LTN1: variants seen among roughly 807,000 people sequenced by gnomAD.
LTN1 encodes listerin E3 ubiquitin protein ligase 1.
Under a neutral mutation model 201.2 loss-of-function variants are expected in LTN1, and 88 were observed. That is an observed-to-expected ratio of 0.44 (90% CI 0.37 to 0.52). LTN1 has a LOEUF of 0.52. Ranked by LOEUF, LTN1 falls within the 20% of genes least tolerant of loss-of-function variation. The probability of loss-of-function intolerance (pLI) is 0.00; values close to 1 mark genes in which losing one functional copy is unlikely to be tolerated. For missense variants in LTN1, 1,752 were observed against 2,038.7 expected, an observed-to-expected ratio of 0.86 and a Z score of 2.71; for synonymous variants, 645 against 713.5, an observed-to-expected ratio of 0.90 and a Z score of 1.53.
chr21:28,943,931 C>A, intron 22 of LTN1, 27 bp from the exon 23 acceptor site: 1 of 1,408,844 alleles, frequency 7.1e-7, no homozygotes. Context: ...AAGAAACATG[C>A]ACGTCTCAAA....
chr21:28,942,812 A>C (rs980784830), intron 24 of LTN1, among the ~76,000 whole-genome samples: 4 of 152,222 alleles, frequency 2.6e-5, no homozygotes, highest in African/African-American at 9.6e-5. Context: ...GACCTTTAAA[A>C]AAAAGTTATC....
intron 14 of LTN1, 114 bp downstream of exon 14, chr21:28,958,272 G>A (rs1281622105): frequency 1.0e-6 from 1 of 985,906 alleles, no homozygotes; most frequent in East Asian, 2.8e-5. Flanking sequence ...TGGGATTATA[G>A]GGACGAGCCC....
rs749761961 is a variant in LTN1 at position 28,966,634 on chromosome 21, A to G, written c.1857T>C (p.Thr619=). Residue 619 remains threonine, a synonymous_variant, in exon 10 of 30, where the codon ACT becomes ACC. Transcript: ENST00000361371. ...KSEQHLRFLS[T]LLDSFSSSRV... ...GGCTTGAAGAAAAGGAGTCAAGCAGAGTAGAAAGAAACCTTAGATGTTGCT... is the reference window on the plus strand; with the variant it reads ...GGCTTGAAGAAAAGGAGTCAAGCAGGGTAGAAAGAAACCTTAGATGTTGCT... 8.1e-6 allele frequency: 13 copies of G among 1,614,132 alleles called. No homozygotes were observed. The highest frequency in any genetic ancestry group is 1.7e-5 in the Admixed American group (1 of 60,016).
chr21:28,937,137 A>G (rs2084263054), intron 25 of LTN1, among the ~76,000 whole-genome samples: 1 of 152,224 alleles, frequency 6.6e-6, no homozygotes, highest in African/African-American at 2.4e-5. Context: ...TTCAATCAGG[A>G]AATTTCACAT....
At chr21:28,932,815 T>C (rs1023681075) in intron 27 of LTN1, 151 bp from the exon 28 acceptor site, 8 of 561,432 alleles carry the variant, frequency 1.4e-5, no homozygotes, top group African/African-American at 1.4e-4. Flanking sequence ...AATTAAGAAA[T>C]ACGTTTAAAT....
rs1050875100 is a variant in LTN1, at chr21:28,953,473, C to T, written c.3080-97G>A. On this transcript the variant is annotated intron_variant, in intron 16 of 29. Transcript: ENST00000361371. ...CACCTTGTTTTCTAACACTGTTGTGCCCACTCATCTCAAAACTCCTATGAA... is the reference window on the plus strand; with the variant it reads ...CACCTTGTTTTCTAACACTGTTGTGTCCACTCATCTCAAAACTCCTATGAA... 1.3e-5 allele frequency: 11 copies of T among 836,988 alleles called. No individual in the cohort carries two copies. In the African/African-American group the frequency reaches 1.8e-4, roughly 13 times the overall value. The allele number at this position is 836,988 out of a possible 1,614,324, so 51.8% of individuals were successfully genotyped here. A position where few individuals can be genotyped will look rare whatever the true frequency, so the allele number is the denominator to read the frequency against.
intron 11 of LTN1, chr21:28,961,540 G>GA (rs1003787025): frequency 1.8e-3 from 278 of 156,358 alleles, no homozygotes; most frequent in African/African-American, 9.9e-4. Context: ...CAATCTGGAA[G>GA]AAAAAAAAAA....
At position 28,989,417 on chromosome 21, in the gene LTN1, C is replaced by T. The variant is rs2084727560; in HGVS notation, c.43-2483G>A. On this transcript the variant is annotated intron_variant, in intron 1 of 29. Coordinates refer to ENST00000361371, the MANE Select transcript of LTN1 (RefSeq NM_015565.3). ...TCTTATGATCTTTGTATGTTAAGTGCTATACCCATAGTTCAATAAAAATTA... is the reference window on the plus strand; with the variant it reads ...TCTTATGATCTTTGTATGTTAAGTGTTATACCCATAGTTCAATAAAAATTA... Among the ~76,000 whole-genome samples, 3 of 151,618 alleles carry T rather than the reference C, an allele frequency of 2.0e-5. No homozygotes were observed. The South Asian group carries it at 6.3e-4, about 32-fold the overall frequency.
intron 6 of LTN1, among the ~76,000 whole-genome samples, chr21:28,979,017 C>G (rs1343287364): frequency 6.6e-6 from 1 of 152,040 alleles, no homozygotes. Context: ...ATGTTGCCTA[C>G]TGAAGGCTAG....
chr21:28,946,180 C>G lies in LTN1; in HGVS notation c.3595G>C (p.Glu1199Gln). The part of the protein sequence containing the change: ...ILKIIISWKK[E>Q]HEDIFLFSCN... ...CTGAAAAGAAAAATATCTTCATGCT[C>G]TTTCTTCCAGGATATTATGATTTTT... Residue 1199 changes from glutamate to glutamine, a missense_variant, in exon 20 of 30, where the codon GAG becomes CAG. By Grantham distance (29) the Glu-to-Gln change is conservative. This residue lies in a region of LTN1 where 1,211 missense variants were observed against 1,312.8 expected (regional missense o/e 0.92). Coordinates refer to ENST00000361371, the MANE Select transcript of LTN1 (RefSeq NM_015565.3). 2 of 1,584,690 alleles carry G rather than the reference C, an allele frequency of 1.3e-6. No individual in the cohort carries two copies. The highest frequency in any genetic ancestry group is 1.7e-6 in the Non-Finnish European group (2 of 1,167,044).
At chr21:28,962,374 T>C (rs996673667) in intron 11 of LTN1, among the ~76,000 whole-genome samples, 6 of 152,230 alleles carry the variant, frequency 3.9e-5, no homozygotes, top group African/African-American at 1.4e-4. Flanking sequence ...TGTGTCTCTG[T>C]GTCACATTTT....
At position 28,957,343 on chromosome 21, in the gene LTN1, G is replaced by A. The variant is rs563977903; in HGVS notation, c.2881C>T (p.Leu961Phe). The change falls in exon 15 of 30, where the codon CTT becomes TTT. Residue 961 changes from leucine (L) to phenylalanine (F), a missense_variant. Leu to Phe is a conservative substitution (Grantham distance 22). Coordinates refer to ENST00000361371, the MANE Select transcript of LTN1 (RefSeq NM_015565.3). ...AATTTCCAAAATACCTGCATAGGAA[G>A]AGACTGCCTCATCTTTTCCCATTCA... ...DSEWEKMRQS[L>F]PMQWLHRPLL... 6.3e-7 allele frequency: 1 copy of A among 1,593,596 alleles called. No homozygotes were observed. The highest frequency in any genetic ancestry group is 1.4e-5 in the African/African-American group (1 of 73,556).
chr21:28,940,436 TAGGTA>T (rs1429113180), intron 25 of LTN1, among the ~76,000 whole-genome samples: 1 of 152,198 alleles, frequency 6.6e-6, no homozygotes, highest in Admixed American at 6.5e-5. Context: ...TTTCACCACT[TAGGTA>T]ACAGTTTGAA....
intron 6 of LTN1, among the ~76,000 whole-genome samples, chr21:28,980,606 G>A (rs866548249): frequency 6.6e-6 from 1 of 151,288 alleles, no homozygotes; most frequent in Non-Finnish European, 1.5e-5. Flanking sequence ...GGTTATGTCA[G>A]TTATCAACTG....
intron 19 of LTN1, among the ~76,000 whole-genome samples, chr21:28,946,961 C>T (rs916145760): frequency 6.6e-6 from 1 of 152,194 alleles, no homozygotes; most frequent in Non-Finnish European, 1.5e-5. Flanking sequence ...GCCACTAACA[C>T]CCTCAAAGCA....
At chr21:28,951,042 T>C (rs1424155941) in intron 18 of LTN1, among the ~76,000 whole-genome samples, 1 of 151,526 alleles carries the variant, frequency 6.6e-6, no homozygotes, top group Admixed American at 6.6e-5. Flanking sequence ...CACACAAACA[T>C]ACACAAACAT....
intron 3 of LTN1, among the ~76,000 whole-genome samples, chr21:28,985,393 A>G (rs2705656): frequency 0.89 from 134,321 of 151,516 alleles, 59,835 homozygotes; most frequent in South Asian, 0.95. Flanking sequence ...CCCAGGAGAC[A>G]AGGTTGCAGT....
chr21:28,959,852 T>C, intron 12 of LTN1, 155 bp from the exon 13 acceptor site: 1 of 626,166 alleles, frequency 1.6e-6, no homozygotes. Context: ...CTCTCACACA[T>C]AAAGGCCCTC....
At chr21:28,930,609 T>G in intron 29 of LTN1, 99 bp from the exon 30 acceptor site, 1 of 747,290 alleles carries the variant, frequency 1.3e-6, no homozygotes, top group Non-Finnish European at 2.2e-6. Flanking sequence ...CTTCAAATGA[T>G]AAAGTGAAAA....
Sources: allele counts gnomAD v4.1 joint callset (sites outside exome capture counted in the v4.1 genomes callset), GRCh38; gene constraint gnomAD v4.1.1; regional missense constraint gnomAD v4.1.1; transcripts MANE v1.5; gene names NCBI Gene and HGNC (gene_info 2026-07-23, HGNC 2026-07-21).